Variants in MVP observed in about 807,000 individuals in gnomAD.
MVP encodes the protein lung resistance-related protein.
In MVP, 62 loss-of-function variants were observed where a neutral mutation model predicts 83.5. The ratio of observed to expected loss-of-function variants is 0.74; its 90% CI spans 0.61 to 0.92. The LOEUF is 0.92. Ranked by LOEUF, MVP falls within the 40% of genes least tolerant of loss-of-function variation. The pLI, the probability that MVP is intolerant of heterozygous loss-of-function variation, is 0.00. For missense variants in MVP, 1,000 were observed against 1,203.4 expected, an observed-to-expected ratio of 0.83 and a Z score of 2.50; for synonymous variants, 505 against 504.1, an observed-to-expected ratio of 1.00 and a Z score of -0.02.
chr16:29,824,152 G>C (rs533995298), intron 1 of MVP, among the ~76,000 whole-genome samples: 10 of 137,832 alleles, frequency 7.3e-5, no homozygotes, highest in African/African-American at 2.7e-4. Context: ...GGAGGCAGAG[G>C]TTGCAGTGAG....
At chr16:29,823,007 G>T (rs73528355) in intron 1 of MVP, among the ~76,000 whole-genome samples, 1 of 151,572 alleles carries the variant, frequency 6.6e-6, no homozygotes, top group Non-Finnish European at 1.5e-5. Context: ...CACTGCGCCC[G>T]GCCTGAAACT....
chr16:29,821,993 G>A (rs780260488), intron 1 of MVP, among the ~76,000 whole-genome samples: 8 of 152,156 alleles, frequency 5.3e-5, no homozygotes, highest in East Asian at 1.9e-4. Context: ...TGGGAGGCCC[G>A]AATGGGAGGA....
intron 3 of MVP, 106 bp from the exon 4 acceptor site, chr16:29,833,627 T>C (rs1357154917): frequency 6.7e-7 from 1 of 1,500,500 alleles, no homozygotes; most frequent in East Asian, 2.3e-5. Context: ...CAGTCTTATT[T>C]CAGGACATAC....
At chr16:29,824,390 TGCTATCAA>T (rs1567386781) in intron 1 of MVP, among the ~76,000 whole-genome samples, 2 of 152,078 alleles carry the variant, frequency 1.3e-5, no homozygotes, top group African/African-American at 4.8e-5. Flanking sequence ...CAGGCTGTGT[TGCTATCAA>T]GCCTCCAGGT....
At chr16:29,837,552 G>A (rs975021307) in intron 7 of MVP, among the ~76,000 whole-genome samples, 6 of 152,124 alleles carry the variant, frequency 3.9e-5, no homozygotes, top group African/African-American at 9.7e-5. Flanking sequence ...TCAGGAGTTC[G>A]AGACTAGCCT....
chr16:29,842,455 G>A (rs1219529994), intron 10 of MVP, among the ~76,000 whole-genome samples: 4 of 152,130 alleles, frequency 2.6e-5, no homozygotes, highest in Non-Finnish European at 4.4e-5. Context: ...ACAGGCATGT[G>A]CCACCATGCC....
Position 29,842,074 on chromosome 16 carries a change from G to T in MVP, c.1596G>T (p.Ala532=). Residue 532 remains alanine (A), a synonymous_variant, in exon 10 of 15, where the codon GCG becomes GCT. Coordinates refer to ENST00000357402, the MANE Select transcript of MVP (RefSeq NM_005115.5). ...CAGACGTCATCACCATCGAAACGGC[G>T]GATCATGCCAGGCTGCAACTGCAGC... is the stretch of plus-strand genomic sequence containing the variant. The part of the protein sequence containing the change: ...FFTDVITIET[A]DHARLQLQLA... The T allele has an allele frequency of 1.2e-6, 2 of 1,607,278 alleles. No homozygotes were observed.
At position 29,841,822 on chromosome 16, in the gene MVP, AC is replaced by A. The variant is rs1432149008; in HGVS notation, c.1420del (p.Arg474GlufsTer76). ...AACGCTGCGGTGCAGGTGTACGACT[AC>A]CGAGAGAAGCGAGCCCGGTGAGTGC... ...PHNAAVQVYDYREKRARVVFG... is the reference protein window; with the variant it reads ...PHNAAVQVYDXREKRARVVFG... On this transcript the variant is annotated frameshift_variant, in exon 9 of 15. Transcript: ENST00000357402. LOFTEE classifies it high-confidence loss of function. This position sits in a 1 kb window ranked among gnomAD's most constrained non-coding sequence, Gnocchi z 4.7. 6.2e-7 allele frequency: 1 copy of A among 1,610,238 alleles called. No individual in the cohort carries two copies. The highest frequency in any genetic ancestry group is 2.2e-5 in the East Asian group (1 of 44,878).
intron 3 of MVP, chr16:29,831,635 C>T (rs997394807): frequency 8.8e-6 from 4 of 456,038 alleles, no homozygotes; most frequent in Non-Finnish European, 1.8e-5. Context: ...GCCCATCTCA[C>T]CTTCCCAGGC....
At chr16:29,830,244 G>C (rs181693406) in intron 1 of MVP, 161 of 276,140 alleles carry the variant, frequency 5.8e-4, no homozygotes, top group African/African-American at 3.5e-3. Context: ...TAGTTGATGG[G>C]AGTGAGGGAA....
intron 7 of MVP, among the ~76,000 whole-genome samples, chr16:29,839,753 T>C (rs2067517581): frequency 8.9e-6 from 1 of 112,302 alleles, no homozygotes; most frequent in Non-Finnish European, 1.6e-5. Flanking sequence ...CACTGCACTA[T>C]CCAGCCTGGG....
chr16:29,840,137 A>G, intron 7 of MVP, 41 bp from the exon 8 acceptor site: 5 of 1,553,128 alleles, frequency 3.2e-6, no homozygotes, highest in Non-Finnish European at 4.4e-6. Flanking sequence ...AGCACCCGCA[A>G]CCCTAAAGGC....
intron 13 of MVP, 46 bp from the exon 14 acceptor site, chr16:29,847,151 C>T (rs2067591535): frequency 2.5e-6 from 4 of 1,594,804 alleles, no homozygotes; most frequent in Non-Finnish European, 3.4e-6. Flanking sequence ...ATCTGCATTC[C>T]AGCCTGGGTC....
At chr16:29,844,438 AAG>A in intron 10 of MVP, 53 bp from the exon 11 acceptor site, 1 of 1,513,370 alleles carries the variant, frequency 6.6e-7, no homozygotes, top group Non-Finnish European at 8.8e-7. Flanking sequence ...GTCTCTTCTA[AAG>A]AGAGATTCCT....
intron 10 of MVP, 40 bp from the exon 11 acceptor site, chr16:29,844,453 G>A (rs758980957): frequency 1.3e-6 from 2 of 1,516,952 alleles, no homozygotes; most frequent in South Asian, 2.7e-5. Context: ...AGATTCCTGG[G>A]TGAAAGCAGC....
intron 13 of MVP, among the ~76,000 whole-genome samples, chr16:29,846,717 G>T (rs1403937799): frequency 1.3e-5 from 2 of 152,092 alleles, no homozygotes; most frequent in Non-Finnish European, 2.9e-5. Context: ...AAATTAGCTG[G>T]GTATGGTGGC....
intron 7 of MVP, among the ~76,000 whole-genome samples, chr16:29,837,612 G>A (rs1189562628): frequency 6.6e-6 from 1 of 152,010 alleles, no homozygotes; most frequent in Non-Finnish European, 1.5e-5. Context: ...AAATTAGCCA[G>A]GTGTGGTGGC....
At chr16:29,839,289 C>T (rs756874876) in intron 7 of MVP, among the ~76,000 whole-genome samples, 1 of 152,078 alleles carries the variant, frequency 6.6e-6, no homozygotes, top group Non-Finnish European at 1.5e-5. Context: ...AGAAAATAGA[C>T]TAGTGGTGGG....
chr16:29,827,412 C>T (rs1404302382), intron 1 of MVP, among the ~76,000 whole-genome samples: 4 of 152,122 alleles, frequency 2.6e-5, no homozygotes, highest in Admixed American at 6.5e-5. Context: ...GTTGTAAGCC[C>T]GGGCAGTCTG....
Sources: allele counts gnomAD v4.1 joint callset (sites outside exome capture counted in the v4.1 genomes callset), GRCh38; gene constraint gnomAD v4.1.1; non-coding constraint Gnocchi (gnomAD v3.1); transcripts MANE v1.5; gene names NCBI Gene and HGNC (gene_info 2026-07-23, HGNC 2026-07-21).